The following HIVEP1 variants were observed in gnomAD, a reference collection of about 807,000 sequenced individuals.
HIVEP1 encodes HIVEP zinc finger 1.
In HIVEP1, 36 loss-of-function variants were observed where a neutral mutation model predicts 180.0. The observed-to-expected ratio is 0.20, with a 90% CI of 0.15 to 0.26. HIVEP1 has a LOEUF of 0.26. Ranked by LOEUF, HIVEP1 falls within the 10% of genes least tolerant of loss-of-function variation. The probability of loss-of-function intolerance (pLI) is 1.00; values close to 1 mark genes in which losing one functional copy is unlikely to be tolerated. For synonymous variants in HIVEP1, 1,239 were observed against 1,239.0 expected, an observed-to-expected ratio of 1.00 and a Z score of 0.00; for missense variants, 3,143 against 3,268.7, an observed-to-expected ratio of 0.96 and a Z score of 0.94.
chr6:12,188,021 A>G, the HIVEP1 span, among the ~76,000 whole-genome samples: 36 of 152,346 alleles, frequency 2.4e-4, no homozygotes, highest in African/African-American at 7.9e-4. Context: ...ATCTTTAAAG[A>G]GTTGAGTTAT....
At chr6:12,076,293 C>G (rs1253298723) in intron 2 of HIVEP1, among the ~76,000 whole-genome samples, 1 of 152,166 alleles carries the variant, frequency 6.6e-6, no homozygotes, top group Non-Finnish European at 1.5e-5. Context: ...TAATTAAGCA[C>G]ATGTTTATTG....
downstream of HIVEP1, among the ~76,000 whole-genome samples, chr6:12,166,684 A>T (rs1367352317): frequency 6.6e-6 from 1 of 152,248 alleles, no homozygotes; most frequent in Non-Finnish European, 1.5e-5. Context: ...AGCAGTGTCC[A>T]CTTGATACTC....
chr6:12,177,522 G>C, the HIVEP1 span, among the ~76,000 whole-genome samples: 3 of 152,142 alleles, frequency 2.0e-5, no homozygotes, highest in African/African-American at 7.2e-5. Context: ...AAATTGCTGT[G>C]AATAAATGAG....
At chr6:12,141,767 A>C (rs2113613981) in intron 7 of HIVEP1, among the ~76,000 whole-genome samples, 1 of 151,062 alleles carries the variant, frequency 6.6e-6, no homozygotes. Flanking sequence ...TAAACCAGTA[A>C]AGATCAGAAG....
At chr6:12,040,233 C>T (rs562229178) in intron 2 of HIVEP1, among the ~76,000 whole-genome samples, 2 of 152,240 alleles carry the variant, frequency 1.3e-5, no homozygotes, top group South Asian at 4.1e-4. Flanking sequence ...AGAGATTTAA[C>T]TGTGTTCGAA....
the HIVEP1 span, among the ~76,000 whole-genome samples, chr6:12,173,555 C>T: frequency 6.6e-6 from 1 of 152,018 alleles, no homozygotes; most frequent in African/African-American, 2.4e-5. Context: ...AATAGAGGTC[C>T]CTACATATAA....
intron 6 of HIVEP1, among the ~76,000 whole-genome samples, chr6:12,135,568 T>A (rs190752104): frequency 1.3e-5 from 2 of 152,342 alleles, no homozygotes; most frequent in East Asian, 1.9e-4. Flanking sequence ...GGAGATGTTA[T>A]CAAAGTAGAG....
rs1247878058 is a variant in HIVEP1 at position 12,111,658 on chromosome 6, G to T, written c.95-8232G>T. Among the ~76,000 whole-genome samples, 3 of 152,358 alleles carry T rather than the reference G, an allele frequency of 2.0e-5. No homozygotes were observed. In the South Asian group the frequency reaches 6.2e-4, roughly 32 times the overall value. ...TCCGTCTTGAAAGCCAGCAATGGCA[G>T]GTCAGGTCTCATTTCCTGTCTCTCT... is the stretch of plus-strand genomic sequence containing the variant. On this transcript the variant is annotated intron_variant, in intron 3 of 8. Coordinates refer to ENST00000379388, the MANE Select transcript of HIVEP1 (RefSeq NM_002114.4).
intron 2 of HIVEP1, among the ~76,000 whole-genome samples, chr6:12,069,222 TTA>T (rs1771804107): frequency 6.6e-6 from 1 of 152,198 alleles, no homozygotes; most frequent in Non-Finnish European, 1.5e-5. Context: ...GCATGTTCAT[TTA>T]CTGAATACTG....
chr6:12,016,432 C>T (rs1326235484), intron 2 of HIVEP1, among the ~76,000 whole-genome samples: 1 of 152,108 alleles, frequency 6.6e-6, no homozygotes, highest in African/African-American at 2.4e-5. Context: ...TCCAAACTGA[C>T]TATGGTGTTT....
At chr6:12,130,662 A>T (rs2113565214) in intron 5 of HIVEP1, 105 bp from the exon 6 acceptor site, 1 of 587,200 alleles carries the variant, frequency 1.7e-6, no homozygotes. Context: ...TTGGTTGAGT[A>T]TAAAAGTTGT....
chr6:12,121,953 T>A lies in HIVEP1; in HGVS notation c.2158T>A (p.Ser720Thr). 6.2e-7 allele frequency: 1 copy of A among 1,614,160 alleles called. No homozygotes were observed. Among genetic ancestry groups the A allele is most frequent in the Non-Finnish European group, 8.5e-7 (1 of 1,180,020 alleles). Reference protein sequence around the residue: ...SAALVTTSTPSALPTGEKALL... With the variant: ...SAALVTTSTPTALPTGEKALL... ...AGCTCTTGTCACCACGTCAACACCC[T>A]CTGCTTTGCCCACAGGGGAAAAGGC... Residue 720 changes from serine to threonine, a missense_variant, in exon 4 of 9, where the codon TCT becomes ACT. Physicochemically the swap from Ser to Thr is moderately conservative, Grantham distance 58. Transcript: ENST00000379388. This position sits in a 1 kb window ranked among gnomAD's most constrained non-coding sequence, Gnocchi z 5.3.
At chr6:12,137,775 G>A (rs926173281) in intron 7 of HIVEP1, among the ~76,000 whole-genome samples, 1 of 152,022 alleles carries the variant, frequency 6.6e-6, no homozygotes, top group African/African-American at 2.4e-5. Flanking sequence ...TGCAGTGTAA[G>A]TTTAAATATA....
At chr6:12,181,430 C>T in the HIVEP1 span, among the ~76,000 whole-genome samples, 3 of 151,524 alleles carry the variant, frequency 2.0e-5, no homozygotes, top group African/African-American at 7.3e-5. Context: ...CACTCTATTG[C>T]CCAGGATGGA....
intron 7 of HIVEP1, among the ~76,000 whole-genome samples, chr6:12,136,799 A>G (rs553855257): frequency 6.6e-6 from 1 of 152,372 alleles, no homozygotes; most frequent in East Asian, 1.9e-4. Context: ...GAGGAAGAAT[A>G]AACCTGTTCA....
At chr6:12,009,562 C>T (rs1290310740), upstream of HIVEP1, among the ~76,000 whole-genome samples, 9 of 151,616 alleles carry the variant, frequency 5.9e-5, no homozygotes, top group Non-Finnish European at 1.2e-4. Flanking sequence ...CATTCATCCT[C>T]CACATTCACC....
chr6:12,091,811 TC>T (rs1309748656), intron 3 of HIVEP1, among the ~76,000 whole-genome samples: 4 of 152,188 alleles, frequency 2.6e-5, no homozygotes, highest in Non-Finnish European at 5.9e-5. Context: ...ATTATGTTTT[TC>T]CTTACAGTGC....
At chr6:12,080,634 A>G (rs551979346) in intron 2 of HIVEP1, among the ~76,000 whole-genome samples, 49 of 152,310 alleles carry the variant, frequency 3.2e-4, no homozygotes, top group African/African-American at 1.2e-3. Context: ...ATGATCTTAA[A>G]GTACAGTGGA....
intron 3 of HIVEP1, among the ~76,000 whole-genome samples, chr6:12,107,016 G>C (rs1322969916): frequency 6.6e-6 from 1 of 152,088 alleles, no homozygotes; most frequent in Non-Finnish European, 1.5e-5. Flanking sequence ...TAATTTTGTT[G>C]TGTTCAGGGA....
Sources: allele counts gnomAD v4.1 joint callset (sites outside exome capture counted in the v4.1 genomes callset), GRCh38; gene constraint gnomAD v4.1.1; non-coding constraint Gnocchi (gnomAD v3.1); transcripts MANE v1.5; gene names NCBI Gene and HGNC (gene_info 2026-07-23, HGNC 2026-07-21).